Variants in TTYH3 observed in about 807,000 individuals in gnomAD.
The protein encoded by TTYH3 is protein tweety homolog 3.
In TTYH3, 23 loss-of-function variants were observed where a neutral mutation model predicts 68.2. The ratio of observed to expected loss-of-function variants is 0.34; its 90% CI spans 0.24 to 0.48. TTYH3 has a LOEUF of 0.48. TTYH3 is among the 20% of genes least tolerant of loss of function. The pLI is 0.99. For missense variants in TTYH3, 768 were observed against 727.7 expected, an observed-to-expected ratio of 1.06 and a Z score of -0.64; for synonymous variants, 360 against 332.8, an observed-to-expected ratio of 1.08 and a Z score of -0.89.
chr7:2,633,881 C>T (rs769845576), intron 1 of TTYH3, among the ~76,000 whole-genome samples: 9 of 152,182 alleles, frequency 5.9e-5, no homozygotes, highest in Admixed American at 1.3e-4. Flanking sequence ...TTCCCACATT[C>T]GAGACAGGCA....
In TTYH3 at chr7:2,660,158, C is replaced by T. The variant is rs566122655; in HGVS notation, c.1500+1143C>T. ...AGCTGGGGCTCCATCTGTCCGGCTC[C>T]TGTTGGCAGGGCCAGCTCTGAGTGC... On this transcript the variant is annotated intron_variant, in intron 13 of 13. Transcript: ENST00000258796. The T allele has an allele frequency of 2.1e-3, 2,529 of 1,183,072 alleles. 7 individuals are homozygous for T. The highest frequency in any genetic ancestry group is 2.0e-3 in the Non-Finnish European group (1,883 of 926,772). The allele number at this position is 1,183,072 out of a possible 1,614,324, so 73.3% of individuals were successfully genotyped here. A position where few individuals can be genotyped will look rare whatever the true frequency, so the allele number is the denominator to read the frequency against.
At chr7:2,647,325 C>A in intron 3 of TTYH3, 72 bp downstream of exon 3, 2 of 1,512,592 alleles carry the variant, frequency 1.3e-6, no homozygotes, top group African/African-American at 1.4e-5. Context: ...CGAGGACGGG[C>A]GGGGCAGCCG....
At chr7:2,660,986 G>A (rs1333473744) in intron 13 of TTYH3, among the ~76,000 whole-genome samples, 3 of 152,224 alleles carry the variant, frequency 2.0e-5, no homozygotes, top group African/African-American at 7.2e-5. Context: ...CAGGCCAGCT[G>A]CAGAGCCAGG....
At chr7:2,637,652 T>C (rs866675332) in intron 1 of TTYH3, among the ~76,000 whole-genome samples, 3 of 152,140 alleles carry the variant, frequency 2.0e-5, no homozygotes, top group African/African-American at 4.8e-5. Context: ...GCCAGGGGCC[T>C]GGGGTCAAGG....
intron 1 of TTYH3, among the ~76,000 whole-genome samples, chr7:2,633,084 G>T (rs1785564261): frequency 6.6e-6 from 1 of 152,086 alleles, no homozygotes; most frequent in Non-Finnish European, 1.5e-5. Flanking sequence ...ATCATGCCAG[G>T]CCCCAGCACC....
intron 8 of TTYH3, 116 bp downstream of exon 8, chr7:2,652,358 G>A (rs1234827301): frequency 1.7e-5 from 15 of 893,750 alleles, no homozygotes; most frequent in South Asian, 4.2e-5. Context: ...CTGGGGAACT[G>A]GGGGAGGGAG....
intron 1 of TTYH3, among the ~76,000 whole-genome samples, chr7:2,639,486 T>C (rs1295587512): frequency 1.3e-5 from 2 of 152,198 alleles, no homozygotes; most frequent in East Asian, 1.9e-4. Context: ...GGGCCAGCAC[T>C]GTGGGCACAG....
At chr7:2,656,014 C>T in intron 9 of TTYH3, 78 bp from the exon 10 acceptor site, 1 of 1,175,174 alleles carries the variant, frequency 8.5e-7, no homozygotes, top group East Asian at 2.7e-5. Flanking sequence ...GACCTGGGGG[C>T]TTCCCAGATG....
intron 5 of TTYH3, among the ~76,000 whole-genome samples, chr7:2,648,929 T>G (rs1324756623): frequency 1.3e-5 from 1 of 75,346 alleles, no homozygotes; most frequent in Non-Finnish European, 2.7e-5. Context: ...GGGCCCGCAG[T>G]GGGGTGTGGG....
In TTYH3 at chr7:2,635,759, C is replaced by A. The variant is rs113476313; in HGVS notation, c.123+3481C>A. Among the ~76,000 whole-genome samples the A allele has an allele frequency of 9.4e-3, 1,435 of 152,332 alleles. 19 individuals carry two copies. The highest frequency in any genetic ancestry group is 0.033 in the African/African-American group (1,359 of 41,566). On this transcript the variant is annotated intron_variant, in intron 1 of 13. Transcript: ENST00000258796. The stretch of plus-strand genomic sequence containing the variant: ...CTTCCAGGGCAGATAGTGGGCCCTG[C>A]CTCAGTTTGCCTAGCATGGGGGACG...
At chr7:2,638,672 C>T (rs1044104810) in intron 1 of TTYH3, among the ~76,000 whole-genome samples, 4 of 152,206 alleles carry the variant, frequency 2.6e-5, no homozygotes, top group African/African-American at 9.6e-5. Context: ...CGGCCAGGAG[C>T]TCACCGTCAT....
intron 7 of TTYH3, 68 bp downstream of exon 7, chr7:2,650,056 T>C (rs1443817324): frequency 9.6e-6 from 15 of 1,554,544 alleles, no homozygotes; most frequent in Non-Finnish European, 1.3e-5. Context: ...AAGAGTGGGG[T>C]AGCTGAGGCC....
intron 1 of TTYH3, among the ~76,000 whole-genome samples, chr7:2,632,750 G>A (rs1439785997): frequency 1.3e-5 from 2 of 152,356 alleles, no homozygotes; most frequent in East Asian, 3.9e-4. Flanking sequence ...TTGGGTGCAG[G>A]CAGGCAGAGA....
At chr7:2,633,304 G>T (rs955377737) in intron 1 of TTYH3, among the ~76,000 whole-genome samples, 9 of 152,154 alleles carry the variant, frequency 5.9e-5, no homozygotes, top group African/African-American at 2.2e-4. Context: ...CCGGTATTCC[G>T]CGGGCAGCCT....
chr7:2,657,945 G>A (rs1786382564), intron 11 of TTYH3, among the ~76,000 whole-genome samples: 1 of 152,196 alleles, frequency 6.6e-6, no homozygotes, highest in Admixed American at 6.5e-5. Flanking sequence ...AGGCACCCCA[G>A]CCTCCTGTGC....
chr7:2,643,046 C>T (rs1015713915), intron 1 of TTYH3, among the ~76,000 whole-genome samples: 3 of 139,188 alleles, frequency 2.2e-5, no homozygotes, highest in African/African-American at 8.2e-5. Flanking sequence ...TTGGGCATCA[C>T]CAGTGAAATT....
chr7:2,653,472 G>T (rs76010982), intron 9 of TTYH3, among the ~76,000 whole-genome samples: 1,949 of 152,342 alleles, frequency 0.013, 55 homozygotes, highest in African/African-American at 0.043. Context: ...CATTCTCTGG[G>T]TGAGTGCCCT....
intron 1 of TTYH3, among the ~76,000 whole-genome samples, chr7:2,639,328 T>C (rs1049906674): frequency 6.6e-6 from 1 of 152,202 alleles, no homozygotes. Flanking sequence ...GTTTGCCGCC[T>C]GGACCCTGTG....
In TTYH3 at chr7:2,662,061, T is replaced by C. The variant is rs190444214; in HGVS notation, c.*322T>C. The stretch of plus-strand genomic sequence containing the variant: ...ACAAGCCCTGGCCGCACCCAACCTG[T>C]GTTGTTGCCGCCCGGCCCTTCCCTC... On this transcript the variant is annotated 3_prime_UTR_variant, in exon 14 of 14. Transcript: ENST00000258796. 255 of 520,630 alleles carry C rather than the reference T, an allele frequency of 4.9e-4. 2 individuals are homozygous for C. The East Asian group carries it at 8.6e-3, about 18-fold the overall frequency. 32.3% of individuals were successfully genotyped at this position (520,630 alleles called of 1,614,324 possible). A position where few individuals can be genotyped will look rare whatever the true frequency, so the allele number is the denominator to read the frequency against.
Sources: allele counts gnomAD v4.1 joint callset (sites outside exome capture counted in the v4.1 genomes callset), GRCh38; gene constraint gnomAD v4.1.1; transcripts MANE v1.5; gene names NCBI Gene and HGNC (gene_info 2026-07-23, HGNC 2026-07-21).